DISP3: variants seen among roughly 807,000 people sequenced by gnomAD.
The protein encoded by DISP3 is dispatched RND transporter family member 3.
DISP3 carries 101 observed loss-of-function variants against 135.3 expected under a neutral mutation model. The observed-to-expected ratio is 0.75, with a 90% CI of 0.64 to 0.88. The LOEUF (loss-of-function observed/expected upper bound fraction) is 0.88, where lower values mean the gene tolerates loss of function less well. DISP3 is among the 40% of genes least tolerant of loss of function. DISP3 has a pLI of 0.00. For synonymous variants in DISP3, 856 were observed against 817.0 expected, an observed-to-expected ratio of 1.05 and a Z score of -0.81; for missense variants, 1,713 against 1,878.6, an observed-to-expected ratio of 0.91 and a Z score of 1.63.
Position 11,515,458 on chromosome 1 carries a change from T to C in DISP3, c.1543T>C (p.Leu515=). Residue 515 remains leucine (L), a synonymous_variant, in exon 5 of 21, where the codon TTG becomes CTG. Coordinates refer to ENST00000294484, the MANE Select transcript of DISP3 (RefSeq NM_020780.2). ...LYHVVFGIQY[L]GILNGVAAFV... ...CCACGTGGTCTTTGGTATCCAGTAC[T>C]TGGGCATCCTGAATGGGGTGGCCGC... 2.5e-6 allele frequency: 4 copies of C among 1,613,298 alleles called. No homozygotes were observed. Among genetic ancestry groups the C allele is most frequent in the Non-Finnish European group, 3.4e-6 (4 of 1,179,594 alleles).
rs61744896 is a variant in DISP3, at chr1:11,501,147, C to T, written c.155C>T (p.Ala52Val). 3.9e-4 allele frequency: 624 copies of T among 1,613,868 alleles called. 4 individuals are homozygous for T. The African/African-American group carries it at 6.7e-3, about 17-fold the overall frequency. Reference sequence around the variant, plus strand: ...TGTTGCTGGCGGCACTGGCCCCTGGCTTCCCGACCCCCAGCTTCGGGCTTC... The same window carrying T: ...TGTTGCTGGCGGCACTGGCCCCTGGTTTCCCGACCCCCAGCTTCGGGCTTC... The part of the protein sequence containing the change: ...GQCCWRHWPL[A>V]SRPPASGFWS... The change falls in exon 2 of 21, where the codon GCT becomes GTT. Residue 52 changes from alanine (A) to valine (V), a missense_variant. Physicochemically the swap from Ala to Val is moderately conservative, Grantham distance 64. Transcript: ENST00000294484. The surrounding 1 kb of genome is among the most constrained non-coding windows in gnomAD (Gnocchi z 4.9).
intron 1 of DISP3, among the ~76,000 whole-genome samples, chr1:11,494,501 G>A (rs1641276195): frequency 6.6e-6 from 1 of 152,248 alleles, no homozygotes; most frequent in Non-Finnish European, 1.5e-5. Flanking sequence ...AGGACATCCG[G>A]AGAGCGGTGG....
intron 1 of DISP3, among the ~76,000 whole-genome samples, chr1:11,486,017 G>A (rs573932394): frequency 1.2e-4 from 19 of 152,136 alleles, no homozygotes; most frequent in Non-Finnish European, 1.9e-4. Context: ...ATAGGGACTC[G>A]GGCTCTGTGT....
chr1:11,489,022 C>G (rs1167317004), intron 1 of DISP3, among the ~76,000 whole-genome samples: 1 of 152,230 alleles, frequency 6.6e-6, no homozygotes, highest in African/African-American at 2.4e-5. Flanking sequence ...CAAGGGCAGC[C>G]TCCACCATCT....
At chr1:11,479,838 C>A (rs961455972) in intron 1 of DISP3, among the ~76,000 whole-genome samples, 4 of 152,298 alleles carry the variant, frequency 2.6e-5, no homozygotes, top group African/African-American at 9.6e-5. Flanking sequence ...CACCCACTCC[C>A]TACCTAGCGT....
intron 3 of DISP3, among the ~76,000 whole-genome samples, chr1:11,513,906 TTA>T (rs774142492): frequency 1.7e-4 from 26 of 152,130 alleles, no homozygotes; most frequent in Middle Eastern, 3.4e-3. Flanking sequence ...CAGATGTCAC[TTA>T]TGTTTGTATT....
Position 11,529,980 on chromosome 1 carries a change from A to G in DISP3, c.3102+21A>G. On this transcript the variant is annotated intron_variant, in intron 15 of 20. Coordinates refer to ENST00000294484, the MANE Select transcript of DISP3 (RefSeq NM_020780.2). The surrounding 1 kb of genome is among the most constrained non-coding windows in gnomAD (Gnocchi z 4.7). Reference sequence around the variant, plus strand: ...ACCCGGTACGGGGCATGCGTCGGGCAGATGCCGAGGGCCCCAGCTGCAACA... The same window carrying G: ...ACCCGGTACGGGGCATGCGTCGGGCGGATGCCGAGGGCCCCAGCTGCAACA... The G allele has an allele frequency of 6.2e-7, 1 of 1,606,012 alleles. No individual in the cohort carries two copies. The highest frequency in any genetic ancestry group is 2.2e-5 in the East Asian group (1 of 44,852).
rs1249619746 is a variant in DISP3 at position 11,502,222 on chromosome 1, A to G, written c.1096+134A>G. 5 of 1,352,556 alleles carry G rather than the reference A, an allele frequency of 3.7e-6. No individual in the cohort carries two copies. The East Asian group carries it at 1.3e-4, about 35-fold the overall frequency. The allele number at this position is 1,352,556 out of a possible 1,614,324, so 83.8% of individuals were successfully genotyped here. On this transcript the variant is annotated intron_variant, in intron 2 of 20. Coordinates refer to ENST00000294484, the MANE Select transcript of DISP3 (RefSeq NM_020780.2). ...GGAACTGAGTCCTGGGCATGGCCGG[A>G]GGGCAAGGTGAAAAGGGCTGGGCTC...
Position 11,501,323 on chromosome 1 carries a change from C to G in DISP3, c.331C>G (p.Arg111Gly). ...CATCTCCTACAACGCCTTTGAGATCCGCAACCACGAGGCCTCACAGCGTTT... is the reference window on the plus strand; with the variant it reads ...CATCTCCTACAACGCCTTTGAGATCGGCAACCACGAGGCCTCACAGCGTTT... Reference protein sequence around the residue: ...IDISYNAFEIRNHEASQRFDA... With the variant: ...IDISYNAFEIGNHEASQRFDA... Residue 111 changes from arginine to glycine, a missense_variant, in exon 2 of 21, where the codon CGC becomes GGC. Physicochemically the swap from Arg to Gly is moderately radical, Grantham distance 125. Coordinates refer to ENST00000294484, the MANE Select transcript of DISP3 (RefSeq NM_020780.2). This position sits in a 1 kb window ranked among gnomAD's most constrained non-coding sequence, Gnocchi z 4.9. 11 of 1,613,974 alleles carry G rather than the reference C, an allele frequency of 6.8e-6. No homozygotes were observed. Among genetic ancestry groups the G allele is most frequent in the Non-Finnish European group, 9.3e-6 (11 of 1,179,998 alleles).
At chr1:11,503,017 A>G in intron 3 of DISP3, 120 bp downstream of exon 3, 1 of 918,812 alleles carries the variant, frequency 1.1e-6, no homozygotes, top group South Asian at 1.8e-5. Flanking sequence ...TTTCTTTCCA[A>G]ATTGGGGCAG....
intron 4 of DISP3, among the ~76,000 whole-genome samples, chr1:11,514,888 C>G (rs929908955): frequency 6.6e-6 from 1 of 152,190 alleles, no homozygotes; most frequent in Non-Finnish European, 1.5e-5. Context: ...CATCTGCCCC[C>G]CGATCACTTT....
chr1:11,486,858 TA>T (rs1466987367), intron 1 of DISP3, among the ~76,000 whole-genome samples: 1 of 152,142 alleles, frequency 6.6e-6, no homozygotes, highest in East Asian at 1.9e-4. Context: ...TTTTTACTTT[TA>T]GTAGAGACAA....
At chr1:11,530,870 T>C in intron 15 of DISP3, 37 bp from the exon 16 acceptor site, 1 of 1,611,046 alleles carries the variant, frequency 6.2e-7, no homozygotes, top group Non-Finnish European at 8.5e-7. Context: ...CCCGTCTCAC[T>C]GAGCGGCCCG....
At chr1:11,482,098 C>T (rs1265621649) in intron 1 of DISP3, 2 of 152,184 alleles carry the variant, frequency 1.3e-5, no homozygotes, top group Admixed American at 1.3e-4. Flanking sequence ...GTTTAAGCCC[C>T]TTTCTCTGCT....
chr1:11,530,902 G>T lies in DISP3; in HGVS notation c.3103-5G>T. Reference sequence around the variant, plus strand: ...CCCGGGCCGGCTTGTTTCTCCTTGGGAAAGGGTAGTGTTGTCTACGACAGC... The same window carrying T: ...CCCGGGCCGGCTTGTTTCTCCTTGGTAAAGGGTAGTGTTGTCTACGACAGC... On this transcript the variant is annotated splice_polypyrimidine_tract_variant and splice_region_variant and intron_variant, in intron 15 of 20. Coordinates refer to ENST00000294484, the MANE Select transcript of DISP3 (RefSeq NM_020780.2). 1 of 1,613,716 alleles carries T rather than the reference G, an allele frequency of 6.2e-7. No individual in the cohort carries two copies. The highest frequency in any genetic ancestry group is 8.5e-7 in the Non-Finnish European group (1 of 1,179,826).
In DISP3 at chr1:11,526,662, G is replaced by A. The variant is rs752161697; in HGVS notation, c.2625G>A (p.Ala875=). 8.1e-6 allele frequency: 13 copies of A among 1,613,868 alleles called. No individual in the cohort carries two copies. Among genetic ancestry groups the A allele is most frequent in the Middle Eastern group, 1.7e-4 (1 of 6,060 alleles). Residue 875 remains alanine, a synonymous_variant, in exon 13 of 21, where the codon GCG becomes GCA. Coordinates refer to ENST00000294484, the MANE Select transcript of DISP3 (RefSeq NM_020780.2). The part of the protein sequence containing the change: ...GEVPSFQVYR[A]PFGNFTKKLT... Reference sequence around the variant, plus strand: ...AACCCACTGCTTAGGTGTATAGAGCGCCTTTTGGTAACTTCACCAAGAAGC... The same window carrying A: ...AACCCACTGCTTAGGTGTATAGAGCACCTTTTGGTAACTTCACCAAGAAGC...
At chr1:11,502,957 T>TA (rs776381368) in intron 3 of DISP3, 60 bp downstream of exon 3, 11 of 1,416,752 alleles carry the variant, frequency 7.8e-6, no homozygotes, top group Non-Finnish European at 1.1e-5. Flanking sequence ...AATTGCCTCT[T>TA]ACTCTTAAAC....
chr1:11,528,293 C>A lies in DISP3; in HGVS notation c.2799-1263C>A, dbSNP rs531797480. Reference sequence around the variant, plus strand: ...TCCCTACTACATGCCGAGTCAGAGGCTGCATTCTGTGCTCTCGGGATCTCC... The same window carrying A: ...TCCCTACTACATGCCGAGTCAGAGGATGCATTCTGTGCTCTCGGGATCTCC... On this transcript the variant is annotated intron_variant, in intron 13 of 20. Coordinates refer to ENST00000294484, the MANE Select transcript of DISP3 (RefSeq NM_020780.2). Among the ~76,000 whole-genome samples, 2 of 152,292 alleles carry A rather than the reference C, an allele frequency of 1.3e-5. 1 individual carries two copies. The highest frequency in any genetic ancestry group is 4.2e-4 in the South Asian group (2 of 4,818).
In DISP3 at chr1:11,525,273, G is replaced by T. The variant is rs775472009; in HGVS notation, c.2574G>T (p.Gln858His). 5 of 1,613,906 alleles carry T rather than the reference G, an allele frequency of 3.1e-6. No individual in the cohort carries two copies. The Admixed American group carries it at 8.3e-5, about 27-fold the overall frequency. The change falls in exon 12 of 21, where the codon CAG (glutamine) becomes CAT (histidine). Residue 858 changes from glutamine to histidine, a missense_variant. This residue lies in a region of DISP3 where 1,142 missense variants were observed against 1,384.6 expected (regional missense o/e 0.82). Coordinates refer to ENST00000294484, the MANE Select transcript of DISP3 (RefSeq NM_020780.2). Reference sequence around the variant, plus strand: ...ATGCCAGCCTGCCTGCTCCTTGGCAGGCTGTGTCGCCTGGGGATGGAGAGG... The same window carrying T: ...ATGCCAGCCTGCCTGCTCCTTGGCATGCTGTGTCGCCTGGGGATGGAGAGG... ...SLNASLPAPW[Q>H]AVSPGDGEVP...
Sources: allele counts gnomAD v4.1 joint callset (sites outside exome capture counted in the v4.1 genomes callset), GRCh38; gene constraint gnomAD v4.1.1; regional missense constraint gnomAD v4.1.1; non-coding constraint Gnocchi (gnomAD v3.1); transcripts MANE v1.5; gene names NCBI Gene and HGNC (gene_info 2026-07-23, HGNC 2026-07-21).